Variants in QRICH1 observed in about 807,000 individuals in gnomAD.
The protein encoded by QRICH1 is transcriptional regulator QRICH1.
Under a neutral mutation model 87.1 loss-of-function variants are expected in QRICH1, and 16 were observed. That is an observed-to-expected ratio of 0.18 (90% CI 0.12 to 0.28). The LOEUF is 0.28. QRICH1 is among the 10% of genes least tolerant of loss of function. The pLI is 1.00. For missense variants in QRICH1, 647 were observed against 951.7 expected (o/e 0.68, Z 4.21); for synonymous variants, 367 against 368.4 (o/e 1.00, Z 0.05).
intron 2 of QRICH1, among the ~76,000 whole-genome samples, chr3:49,059,716 C>T (rs146326577): frequency 9.1e-4 from 137 of 151,194 alleles, no homozygotes; most frequent in African/African-American, 3.1e-3. Context: ...GCCACCATGC[C>T]TAGCCTTATT....
intron 1 of QRICH1, among the ~76,000 whole-genome samples, chr3:49,079,749 C>A (rs763320736): frequency 6.6e-6 from 1 of 151,998 alleles, no homozygotes; most frequent in African/African-American, 2.4e-5. Context: ...CATCTTTCAG[C>A]CCAGTGCGGT....
intron 8 of QRICH1, 158 bp from the exon 9 acceptor site, chr3:49,032,431 G>T: frequency 1.2e-6 from 1 of 850,984 alleles, no homozygotes; most frequent in Non-Finnish European, 1.8e-6. Context: ...AAGGGAAGAG[G>T]CAGCTATTCT....
chr3:49,082,916 A>G (rs959213535), intron 1 of QRICH1, among the ~76,000 whole-genome samples: 5 of 149,624 alleles, frequency 3.3e-5, no homozygotes, highest in African/African-American at 1.2e-4. Flanking sequence ...AAAAGAAAAA[A>G]AGGCCAGGTG....
intron 1 of QRICH1, among the ~76,000 whole-genome samples, chr3:49,085,617 G>GCA: frequency 2.0e-5 from 3 of 151,930 alleles, no homozygotes; most frequent in African/African-American, 7.3e-5. Flanking sequence ...AATTAGCCAG[G>GCA]TGTGGTGACA....
At chr3:49,069,069 C>T (rs1040085151) in intron 2 of QRICH1, among the ~76,000 whole-genome samples, 5 of 150,718 alleles carry the variant, frequency 3.3e-5, no homozygotes. Flanking sequence ...GGCAAAAAAG[C>T]CTCAAGTAGA....
intron 6 of QRICH1, among the ~76,000 whole-genome samples, chr3:49,034,831 C>G (rs527426403): frequency 1.3e-5 from 2 of 152,202 alleles, no homozygotes; most frequent in Non-Finnish European, 2.9e-5. Flanking sequence ...TGTTTGTGCA[C>G]TGGGTGCATA....
intron 1 of QRICH1, among the ~76,000 whole-genome samples, chr3:49,079,849 C>CGAAA (rs2042024204): frequency 6.6e-6 from 1 of 151,962 alleles, no homozygotes; most frequent in Non-Finnish European, 1.5e-5. Flanking sequence ...GCCAACAAGG[C>CGAAA]GAAACCCTGT....
At chr3:49,038,189 T>C (rs1447802736) in intron 6 of QRICH1, among the ~76,000 whole-genome samples, 1 of 151,468 alleles carries the variant, frequency 6.6e-6, no homozygotes, top group Admixed American at 6.6e-5. Flanking sequence ...GCCTCCATAA[T>C]AGCTGGGACT....
Position 49,064,356 on chromosome 3 carries a change from C to T in QRICH1, c.310-6466G>A, listed in dbSNP as rs192329286. On this transcript the variant is annotated intron_variant, in intron 2 of 9. Coordinates refer to ENST00000395443, the MANE Select transcript of QRICH1 (RefSeq NM_198880.3). ...CCCGGGTTCAAGCGATTCTCTTAAC[C>T]TCTGCCTCCCGAGTAGCTGGGATTA... 5.9e-4 allele frequency among the ~76,000 whole-genome samples: 89 copies of T among 151,552 alleles called. 3 individuals are homozygous for T. The highest frequency in any genetic ancestry group is 5.2e-3 in the Admixed American group (79 of 15,174).
At chr3:49,087,371 G>A (rs978581609) in intron 1 of QRICH1, among the ~76,000 whole-genome samples, 1 of 151,796 alleles carries the variant, frequency 6.6e-6, no homozygotes, top group Non-Finnish European at 1.5e-5. Context: ...AGCTAATATG[G>A]TGAAACCCTG....
At chr3:49,045,045 C>T (rs1405684300) in intron 5 of QRICH1, among the ~76,000 whole-genome samples, 2 of 152,086 alleles carry the variant, frequency 1.3e-5, no homozygotes, top group Non-Finnish European at 2.9e-5. Context: ...TTCTATTATA[C>T]TGTGGGTTTC....
Position 49,030,237 on chromosome 3 carries a change from C to G in QRICH1, c.*215G>C, listed in dbSNP as rs1460962197. On this transcript the variant is annotated 3_prime_UTR_variant, in exon 10 of 10. Coordinates refer to ENST00000395443, the MANE Select transcript of QRICH1 (RefSeq NM_198880.3). ...TAGGACATATGACACTCAAGGAAAC[C>G]CAGAGCCACCATCGGCTGAGGAGTC... 1.8e-6 allele frequency: 1 copy of G among 560,970 alleles called. No homozygotes were observed. Among genetic ancestry groups the G allele is most frequent in the East Asian group, 3.1e-5 (1 of 32,100 alleles). 34.7% of individuals were successfully genotyped at this position (560,970 alleles called of 1,614,324 possible). A position where few individuals can be genotyped will look rare whatever the true frequency, so the allele number is the denominator to read the frequency against.
At chr3:49,071,610 C>T (rs924128224) in intron 2 of QRICH1, among the ~76,000 whole-genome samples, 1 of 152,070 alleles carries the variant, frequency 6.6e-6, no homozygotes, top group Non-Finnish European at 1.5e-5. Flanking sequence ...GAAAAAAGTA[C>T]AAAAATTGGC....
At chr3:49,076,383 C>T (rs2041951570) in intron 2 of QRICH1, among the ~76,000 whole-genome samples, 1 of 152,172 alleles carries the variant, frequency 6.6e-6, no homozygotes, top group Non-Finnish European at 1.5e-5. Flanking sequence ...GTGGCGCCCC[C>T]TCACTCATCA....
At position 49,076,927 on chromosome 3, in the gene QRICH1, G is replaced by A. The variant is rs759467609; in HGVS notation, c.91C>T (p.Leu31=). 6.2e-7 allele frequency: 1 copy of A among 1,612,742 alleles called. No homozygotes were observed. The highest frequency in any genetic ancestry group is 8.5e-7 in the Non-Finnish European group (1 of 1,179,196). The change falls in exon 2 of 10, where the codon CTG becomes TTG. Residue 31 remains leucine (L), a synonymous_variant. Transcript: ENST00000395443. ...GGCCCCTTAGAGGCCAGTGAGTCCA[G>A]AAATTCCTTCATCCTGTGTTGCGGG... ...SVPQHRMKEF[L]DSLASKGPEA...
intron 1 of QRICH1, among the ~76,000 whole-genome samples, chr3:49,085,600 CAAA>C (rs527740018): frequency 2.0e-5 from 3 of 151,052 alleles, no homozygotes; most frequent in African/African-American, 7.3e-5. Context: ...ACTAAAAATA[CAAA>C]AAAAATTAGC....
rs879117914 is a variant in QRICH1, at chr3:49,029,862, C to CAA, written c.*588_*589dup. On this transcript the variant is annotated 3_prime_UTR_variant, in exon 10 of 10. Transcript: ENST00000395443. The stretch of plus-strand genomic sequence containing the variant: ...TTTTAAGGCCTCAATGTTAGGCCAA[C>CAA]AAAAAAAAAAAAGGCATGGTAAAGT... 7.9e-5 allele frequency: 10 copies of CAA among 127,104 alleles called. No homozygotes were observed. Among genetic ancestry groups the CAA allele is most frequent in the East Asian group, 2.3e-4 (1 of 4,314 alleles). 7.9% of individuals were successfully genotyped at this position (127,104 alleles called of 1,614,324 possible).
intron 2 of QRICH1, among the ~76,000 whole-genome samples, chr3:49,065,010 G>A (rs1055147222): frequency 2.0e-5 from 3 of 151,642 alleles, no homozygotes; most frequent in African/African-American, 7.3e-5. Flanking sequence ...AGCAAGAGTT[G>A]TTCTAGAAAA....
At chr3:49,060,057 TTA>T (rs1158027176) in intron 2 of QRICH1, among the ~76,000 whole-genome samples, 1 of 151,046 alleles carries the variant, frequency 6.6e-6, no homozygotes, top group Non-Finnish European at 1.5e-5. Context: ...GCTGATTTTT[TTA>T]TTTTTAGTAG....
Sources: allele counts gnomAD v4.1 joint callset (sites outside exome capture counted in the v4.1 genomes callset), GRCh38; gene constraint gnomAD v4.1.1; transcripts MANE v1.5; gene names NCBI Gene and HGNC (gene_info 2026-07-23, HGNC 2026-07-21).